ETV6: variants seen among roughly 807,000 people sequenced by gnomAD.
ETV6 encodes ETS variant transcription factor 6, also known as transcription factor ETV6.
In ETV6, 16 loss-of-function variants were observed where a neutral mutation model predicts 51.1. The ratio of observed to expected loss-of-function variants is 0.31; its 90% CI spans 0.21 to 0.48. The LOEUF (loss-of-function observed/expected upper bound fraction) is 0.48. Among genes scored for constraint, ETV6 ranks in the 20% least tolerant of loss-of-function variants. The pLI is 0.99. For missense variants in ETV6, 458 were observed against 594.8 expected (o/e 0.77, Z 2.39); for synonymous variants, 240 against 224.1 (o/e 1.07, Z -0.64).
At chr12:11,676,798 A>T (rs560941014) in intron 1 of ETV6, among the ~76,000 whole-genome samples, 1 of 152,312 alleles carries the variant, frequency 6.6e-6, no homozygotes, top group South Asian at 2.1e-4. Context: ...TTGGTGCTCC[A>T]TAAATATCTG....
At chr12:11,761,945 A>T (rs2136339020) in intron 2 of ETV6, among the ~76,000 whole-genome samples, 1 of 152,364 alleles carries the variant, frequency 6.6e-6, no homozygotes, top group South Asian at 2.1e-4. Flanking sequence ...TTAGGACTCA[A>T]CATCAAATTT....
chr12:11,775,862 A>G (rs1278125335), intron 2 of ETV6, among the ~76,000 whole-genome samples: 1 of 152,210 alleles, frequency 6.6e-6, no homozygotes, highest in Non-Finnish European at 1.5e-5. Flanking sequence ...ACACGTCAAT[A>G]TGTTATTGAT....
intron 2 of ETV6, among the ~76,000 whole-genome samples, chr12:11,802,622 A>G (rs1945766746): frequency 6.6e-6 from 1 of 152,240 alleles, no homozygotes; most frequent in African/African-American, 2.4e-5. Context: ...CATCTGGGGT[A>G]TGTCTTGCAG....
chr12:11,677,954 T>C (rs1388888376), intron 1 of ETV6, among the ~76,000 whole-genome samples: 4 of 152,234 alleles, frequency 2.6e-5, no homozygotes, highest in African/African-American at 4.8e-5. Context: ...GTTCTCTGCT[T>C]GGACACTTCA....
chr12:11,828,316 T>C (rs1946190687), intron 2 of ETV6, among the ~76,000 whole-genome samples: 1 of 152,220 alleles, frequency 6.6e-6, no homozygotes, highest in Non-Finnish European at 1.5e-5. Flanking sequence ...CAATGATGTC[T>C]ATAATAACTG....
At chr12:11,868,770 GA>G (rs1471558331) in intron 4 of ETV6, among the ~76,000 whole-genome samples, 1 of 152,116 alleles carries the variant, frequency 6.6e-6, no homozygotes, top group African/African-American at 2.4e-5. Context: ...CATCTAGAGA[GA>G]AACCTGTAAG....
intron 2 of ETV6, among the ~76,000 whole-genome samples, chr12:11,783,797 A>G (rs978619112): frequency 6.6e-6 from 1 of 152,202 alleles, no homozygotes; most frequent in Non-Finnish European, 1.5e-5. Context: ...CAGGCTTCAT[A>G]ACTTGTGGAA....
intron 3 of ETV6, among the ~76,000 whole-genome samples, chr12:11,844,700 A>G (rs1946435058): frequency 6.6e-6 from 1 of 151,586 alleles, no homozygotes. Flanking sequence ...TGTAGCAGGC[A>G]TGACCCTTGT....
At chr12:11,699,492 T>C (rs1487902565) in intron 1 of ETV6, among the ~76,000 whole-genome samples, 1 of 152,180 alleles carries the variant, frequency 6.6e-6, no homozygotes, top group Non-Finnish European at 1.5e-5. Context: ...AAGATTTAAT[T>C]AGAAACTGAA....
chr12:11,836,462 C>T (rs1322358074), intron 2 of ETV6, among the ~76,000 whole-genome samples: 1 of 152,152 alleles, frequency 6.6e-6, no homozygotes, highest in African/African-American at 2.4e-5. Context: ...GTACATAAGC[C>T]GAGGGCATTT....
intron 1 of ETV6, among the ~76,000 whole-genome samples, chr12:11,720,118 T>A (rs1181145843): frequency 1.3e-5 from 2 of 152,146 alleles, no homozygotes; most frequent in Non-Finnish European, 2.9e-5. Context: ...TATCAGTGAT[T>A]ATAGAAGGGG....
At chr12:11,751,919 C>A in intron 1 of ETV6, 1 of 454,596 alleles carries the variant, frequency 2.2e-6, no homozygotes, top group South Asian at 1.6e-5. Flanking sequence ...GAAAAATCTT[C>A]CTTGTGGATT....
At chr12:11,684,025 G>A (rs1864582077) in intron 1 of ETV6, among the ~76,000 whole-genome samples, 1 of 152,106 alleles carries the variant, frequency 6.6e-6, no homozygotes, top group Admixed American at 6.5e-5. Flanking sequence ...GATGTGTATT[G>A]CCACATGGAT....
intron 1 of ETV6, among the ~76,000 whole-genome samples, chr12:11,691,277 T>A (rs1214700102): frequency 3.9e-5 from 6 of 152,108 alleles, no homozygotes; most frequent in African/African-American, 1.4e-4. Flanking sequence ...AATTCTGGGG[T>A]AACACAAACC....
intron 1 of ETV6, among the ~76,000 whole-genome samples, chr12:11,672,880 G>A (rs1211354430): frequency 1.3e-5 from 2 of 152,234 alleles, no homozygotes; most frequent in African/African-American, 2.4e-5. Context: ...CCGTGGAAGA[G>A]TCCGGAGCAG....
At chr12:11,662,463 C>T (rs1864117525) in intron 1 of ETV6, among the ~76,000 whole-genome samples, 1 of 152,200 alleles carries the variant, frequency 6.6e-6, no homozygotes, top group South Asian at 2.1e-4. Flanking sequence ...CTTCTCCGAA[C>T]TAGGGGGAAT....
intron 1 of ETV6, among the ~76,000 whole-genome samples, chr12:11,707,637 C>T (rs1448110556): frequency 6.6e-6 from 1 of 152,162 alleles, no homozygotes; most frequent in Non-Finnish European, 1.5e-5. Flanking sequence ...CAATTTCTCC[C>T]CTCTAACCTC....
At chr12:11,710,442 G>C (rs956131892) in intron 1 of ETV6, among the ~76,000 whole-genome samples, 2 of 151,996 alleles carry the variant, frequency 1.3e-5, no homozygotes, top group Non-Finnish European at 2.9e-5. Flanking sequence ...TTTATTCCAT[G>C]GTATTTTCAC....
intron 1 of ETV6, among the ~76,000 whole-genome samples, chr12:11,725,970 A>G (rs1350340480): frequency 6.6e-6 from 1 of 152,168 alleles, no homozygotes; most frequent in Non-Finnish European, 1.5e-5. Context: ...AGCCTCAGAT[A>G]TTCCTTCCTA....
Sources: gnomAD v4.1 joint callset for allele counts (sites outside exome capture counted in the v4.1 genomes callset) on GRCh38, gnomAD v4.1.1 for gene constraint, MANE v1.5 for transcripts, NCBI Gene and HGNC (gene_info 2026-07-23, HGNC 2026-07-21) for gene names.